COL15A1: variants seen among roughly 807,000 people sequenced by gnomAD.
The protein encoded by COL15A1 is collagen alpha-1(XV) chain.
A neutral mutation model predicts 165.9 loss-of-function variants in COL15A1; 111 were observed. That is an observed-to-expected ratio of 0.67 (90% CI 0.57 to 0.78). The LOEUF is 0.78. COL15A1 is among the 30% of genes least tolerant of loss of function. The probability of loss-of-function intolerance (pLI) is 0.00; values close to 1 mark genes in which losing one functional copy is unlikely to be tolerated. For synonymous variants in COL15A1, 659 were observed against 674.8 expected, an observed-to-expected ratio of 0.98 and a Z score of 0.36; for missense variants, 1,745 against 1,789.7, an observed-to-expected ratio of 0.98 and a Z score of 0.45.
At chr9:99,016,887 C>T (rs536359085) in intron 11 of COL15A1, among the ~76,000 whole-genome samples, 11 of 152,352 alleles carry the variant, frequency 7.2e-5, no homozygotes, top group Non-Finnish European at 1.3e-4. Context: ...CCATTGGCCA[C>T]GGTGCGGCAG....
chr9:98,962,226 T>C (rs972516790), intron 2 of COL15A1, among the ~76,000 whole-genome samples: 1 of 152,166 alleles, frequency 6.6e-6, no homozygotes, highest in African/African-American at 2.4e-5. Flanking sequence ...GAAATGCGGT[T>C]TGGGGAGGAA....
intron 16 of COL15A1, among the ~76,000 whole-genome samples, chr9:99,030,921 G>A (rs1187215558): frequency 6.6e-6 from 1 of 152,194 alleles, no homozygotes; most frequent in Non-Finnish European, 1.5e-5. Flanking sequence ...TGTAGCCTCT[G>A]GGTTAGGCTA....
Position 99,066,951 on chromosome 9 carries a change from G to T in COL15A1, c.3721G>T (p.Ala1241Ser). 6.2e-7 allele frequency: 1 copy of T among 1,614,094 alleles called. No homozygotes were observed. The highest frequency in any genetic ancestry group is 8.5e-7 in the Non-Finnish European group (1 of 1,180,008). Residue 1241 changes from alanine (A) to serine (S), a missense_variant, in exon 40 of 42, where the codon GCC becomes TCC. By Grantham distance (99) the Ala-to-Ser change is moderately conservative. Coordinates refer to ENST00000375001, the MANE Select transcript of COL15A1 (RefSeq NM_001855.5). ...IRADFQCFKQ[A>S]RAAGLLSTYR... The stretch of plus-strand genomic sequence containing the variant: ...AGCTGATTTTCAGTGCTTCAAGCAG[G>T]CCAGAGCTGCAGGACTGTTGTCCAC...
chr9:99,062,065 T>C lies in COL15A1; in HGVS notation c.3497T>C (p.Phe1166Ser). ...FIYLRDSTEF[F>S]IRVRDGWKKL... The stretch of plus-strand genomic sequence containing the variant: ...TACCTGAGGGACAGCACTGAGTTTT[T>C]CATTCGTGTTAGAGATGGCTGGAAA... Residue 1166 changes from phenylalanine (F) to serine (S), a missense_variant, in exon 37 of 42, where the codon TTC becomes TCC. Coordinates refer to ENST00000375001, the MANE Select transcript of COL15A1 (RefSeq NM_001855.5). 1 of 1,614,152 alleles carries C rather than the reference T, an allele frequency of 6.2e-7. No homozygotes were observed.
chr9:99,036,412 G>T lies in COL15A1; in HGVS notation c.2409+16G>T, dbSNP rs746496111. The T allele has an allele frequency of 6.2e-6, 10 of 1,612,472 alleles. No individual in the cohort carries two copies. Among genetic ancestry groups the T allele is most frequent in the Non-Finnish European group, 8.5e-6 (10 of 1,178,952 alleles). On this transcript the variant is annotated intron_variant, in intron 21 of 41. Coordinates refer to ENST00000375001, the MANE Select transcript of COL15A1 (RefSeq NM_001855.5). ...CTTGTCTAATGTGAGTATCATTCAG[G>T]TCAGAGCTTGTCTACATATTTTCCA...
At chr9:98,944,119 C>G in intron 1 of COL15A1, 43 bp from the exon 2 acceptor site, 1 of 1,614,128 alleles carries the variant, frequency 6.2e-7, no homozygotes, top group Non-Finnish European at 8.5e-7. Context: ...CCCTCCAATA[C>G]TCTTGCCCGC....
intron 35 of COL15A1, among the ~76,000 whole-genome samples, chr9:99,059,347 A>G (rs1825773905): frequency 1.3e-5 from 2 of 152,280 alleles, no homozygotes; most frequent in African/African-American, 2.4e-5. Flanking sequence ...ACAGCTTTGG[A>G]GAGCTTGCTG....
chr9:99,049,377 GAGTTGCAATCTC>G (rs993109095), intron 28 of COL15A1, among the ~76,000 whole-genome samples: 4 of 152,236 alleles, frequency 2.6e-5, no homozygotes, highest in African/African-American at 9.6e-5. Flanking sequence ...GTCAGAATCT[GAGTTGCAATCTC>G]AGTTCTGCTG....
intron 7 of COL15A1, among the ~76,000 whole-genome samples, chr9:99,002,266 C>G (rs1194209807): frequency 1.3e-5 from 2 of 151,392 alleles, no homozygotes; most frequent in Non-Finnish European, 2.9e-5. Context: ...CTTTGTCCCT[C>G]TCTCCCAACT....
At chr9:99,042,264 G>T (rs1178128082) in intron 24 of COL15A1, among the ~76,000 whole-genome samples, 157 bp downstream of exon 24, 1 of 151,834 alleles carries the variant, frequency 6.6e-6, no homozygotes, top group Non-Finnish European at 1.5e-5. Context: ...GTGATTTTTG[G>T]TGGGCTCATA....
intron 7 of COL15A1, 53 bp from the exon 8 acceptor site, chr9:99,003,400 G>C: frequency 1.5e-6 from 2 of 1,376,978 alleles, no homozygotes; most frequent in Non-Finnish European, 1.9e-6. Context: ...CCAGCCACAG[G>C]CATGTTGATG....
intron 35 of COL15A1, 78 bp from the exon 36 acceptor site, chr9:99,059,811 C>A: frequency 6.6e-7 from 1 of 1,526,490 alleles, no homozygotes; most frequent in Non-Finnish European, 9.0e-7. Flanking sequence ...ACACACTTCT[C>A]TCCGGGAGTC....
chr9:99,012,086 G>A (rs560867912), intron 9 of COL15A1, among the ~76,000 whole-genome samples: 2 of 152,318 alleles, frequency 1.3e-5, no homozygotes, highest in African/African-American at 4.8e-5. Context: ...GGATAAGTAT[G>A]AAATTGCTTG....
intron 16 of COL15A1, among the ~76,000 whole-genome samples, chr9:99,030,305 A>G (rs1366893934): frequency 6.6e-6 from 1 of 152,198 alleles, no homozygotes; most frequent in Non-Finnish European, 1.5e-5. Context: ...TTGGAATTCC[A>G]AGATTGCATG....
chr9:98,975,759 C>T (rs938686990), intron 2 of COL15A1, among the ~76,000 whole-genome samples: 1 of 152,242 alleles, frequency 6.6e-6, no homozygotes, highest in Admixed American at 6.5e-5. Context: ...CTCAGGTTGT[C>T]TCTCCCTGTG....
chr9:98,953,292 C>T (rs987828297), intron 2 of COL15A1, among the ~76,000 whole-genome samples: 3 of 152,170 alleles, frequency 2.0e-5, no homozygotes, highest in African/African-American at 7.2e-5. Context: ...TTACCTTCTT[C>T]TGCTCTATCC....
chr9:98,957,949 G>A (rs1444424904), intron 2 of COL15A1, among the ~76,000 whole-genome samples: 1 of 152,312 alleles, frequency 6.6e-6, no homozygotes, highest in East Asian at 1.9e-4. Flanking sequence ...ACCTGGCTGG[G>A]GTTGTTCTCT....
Position 99,026,842 on chromosome 9 carries a change from C to T in COL15A1, c.2043+876C>T, listed in dbSNP as rs186096243. ...TATTGAGAACCTCCCTTGCCAGTGA[C>T]ACTAAAGGTGTTAGCTTACCTGTCT... On this transcript the variant is annotated intron_variant, in intron 16 of 41. Coordinates refer to ENST00000375001, the MANE Select transcript of COL15A1 (RefSeq NM_001855.5). Among the ~76,000 whole-genome samples the T allele has an allele frequency of 2.7e-3, 407 of 152,290 alleles. 1 individual carries two copies. Among genetic ancestry groups the T allele is most frequent in the Non-Finnish European group, 2.9e-3 (195 of 68,026 alleles).
rs532011845 is a variant in COL15A1, at chr9:99,040,321, T to C, written c.2476-200T>C. On this transcript the variant is annotated intron_variant, in intron 22 of 41. Transcript: ENST00000375001. The stretch of plus-strand genomic sequence containing the variant: ...GCCTCCACCCCTTCTCTCTCTTCCT[T>C]GCTTTCTTTCCAGTCACTGTCCTCC... 2.0e-5 allele frequency among the ~76,000 whole-genome samples: 3 copies of C among 152,268 alleles called. No individual in the cohort carries two copies. In the East Asian group the frequency reaches 5.8e-4, roughly 29 times the overall value.
Sources: allele counts gnomAD v4.1 joint callset (sites outside exome capture counted in the v4.1 genomes callset), GRCh38; gene constraint gnomAD v4.1.1; transcripts MANE v1.5; gene names NCBI Gene and HGNC (gene_info 2026-07-23, HGNC 2026-07-21).